The following CSMD3 variants were observed in gnomAD, a reference collection of about 807,000 sequenced individuals.
CSMD3 encodes CUB and Sushi multiple domains 3, also known as CUB and sushi domain-containing protein 3.
In CSMD3, 177 loss-of-function variants were observed where a neutral mutation model predicts 435.2. The ratio of observed to expected loss-of-function variants is 0.41; its 90% CI spans 0.36 to 0.46. CSMD3 has a LOEUF of 0.46. CSMD3 is among the 20% of genes least tolerant of loss of function. CSMD3 has a pLI of 0.34. For missense variants in CSMD3, 4,265 were observed against 4,504.6 expected, an observed-to-expected ratio of 0.95 and a Z score of 1.52; for synonymous variants, 1,656 against 1,520.5, an observed-to-expected ratio of 1.09 and a Z score of -2.07.
intron 3 of CSMD3, among the ~76,000 whole-genome samples, chr8:113,271,546 C>G (rs1269275533): frequency 6.6e-6 from 1 of 152,150 alleles, no homozygotes; most frequent in Non-Finnish European, 1.5e-5. Context: ...TGCGGGTGAA[C>G]AGAAGCCAAG....
intron 2 of CSMD3, among the ~76,000 whole-genome samples, chr8:113,295,133 T>C (rs532450034): frequency 6.6e-6 from 1 of 152,244 alleles, no homozygotes; most frequent in Admixed American, 6.5e-5. Flanking sequence ...TCATGGTAAA[T>C]GGGACATTCA....
At chr8:112,965,823 A>C (rs1048748056) in intron 7 of CSMD3, among the ~76,000 whole-genome samples, 1 of 151,938 alleles carries the variant, frequency 6.6e-6, no homozygotes, top group Non-Finnish European at 1.5e-5. Flanking sequence ...GAAATATAAA[A>C]ATGTATTTAC....
intron 35 of CSMD3, among the ~76,000 whole-genome samples, chr8:112,394,566 C>T (rs1353606604): frequency 6.6e-6 from 1 of 152,184 alleles, no homozygotes; most frequent in African/African-American, 2.4e-5. Context: ...GTTCCAGACA[C>T]TGTGGCTTGA....
At chr8:112,265,140 G>A (rs569889182) in intron 60 of CSMD3, among the ~76,000 whole-genome samples, 6 of 151,692 alleles carry the variant, frequency 4.0e-5, no homozygotes, top group African/African-American at 1.2e-4. Context: ...AAATAACAAT[G>A]GTGAATATGG....
At chr8:112,832,675 A>G (rs182680041) in intron 11 of CSMD3, among the ~76,000 whole-genome samples, 58 of 152,260 alleles carry the variant, frequency 3.8e-4, no homozygotes, top group Admixed American at 2.6e-3. Context: ...CTACAGTTTC[A>G]AATGAGATCA....
At chr8:112,899,629 ATATG>A (rs1191926695) in intron 10 of CSMD3, among the ~76,000 whole-genome samples, 293 of 85,344 alleles carry the variant, frequency 3.4e-3, no homozygotes, top group Middle Eastern at 0.03. Flanking sequence ...ATATATATAT[ATATG>A]TATATACATA....
In CSMD3 at chr8:112,621,932, A is replaced by C. The variant is rs1436561146; in HGVS notation, c.3715+14885T>G. ...GGAATATGCCTCTGTCTGGAGCCTA[A>C]CAACCATGCCATAGGAGTAGTGAGT... is the stretch of plus-strand genomic sequence containing the variant. On this transcript the variant is annotated intron_variant, in intron 22 of 70. Coordinates refer to ENST00000297405, the MANE Select transcript of CSMD3 (RefSeq NM_198123.2). Among the ~76,000 whole-genome samples the C allele has an allele frequency of 2.0e-5, 3 of 152,098 alleles. No individual in the cohort carries two copies. In the South Asian group the frequency reaches 6.2e-4, roughly 32 times the overall value.
chr8:113,403,126 G>A (rs190843683), intron 1 of CSMD3, among the ~76,000 whole-genome samples: 4 of 151,286 alleles, frequency 2.6e-5, no homozygotes, highest in Admixed American at 2.6e-4. Context: ...TAAATCCACA[G>A]CTGTGTCCGT....
At chr8:112,362,865 A>G (rs1216296223) in intron 38 of CSMD3, among the ~76,000 whole-genome samples, 1 of 151,980 alleles carries the variant, frequency 6.6e-6, no homozygotes, top group Non-Finnish European at 1.5e-5. Context: ...AACATATTAA[A>G]CGAATGGAGT....
intron 57 of CSMD3, among the ~76,000 whole-genome samples, chr8:112,288,907 T>G: frequency 6.6e-6 from 1 of 152,254 alleles, no homozygotes; most frequent in South Asian, 2.1e-4. Context: ...CATTTTGGAC[T>G]TTATTTTAAA....
chr8:112,632,780 C>G (rs552399258), intron 22 of CSMD3, among the ~76,000 whole-genome samples: 2 of 151,922 alleles, frequency 1.3e-5, no homozygotes, highest in Non-Finnish European at 2.9e-5. Context: ...TTATTTTAAT[C>G]AACTTATCAA....
At chr8:112,394,516 C>G (rs537952050) in intron 35 of CSMD3, among the ~76,000 whole-genome samples, 2 of 152,288 alleles carry the variant, frequency 1.3e-5, no homozygotes, top group South Asian at 2.1e-4. Context: ...CTCTGCCTCT[C>G]TAAACTCATC....
intron 10 of CSMD3, among the ~76,000 whole-genome samples, chr8:112,902,588 G>A (rs546287183): frequency 7.2e-4 from 109 of 151,324 alleles, no homozygotes; most frequent in Non-Finnish European, 1.4e-3. Context: ...CAAGCTCAGC[G>A]TTAGTCATGT....
intron 6 of CSMD3, among the ~76,000 whole-genome samples, chr8:113,000,248 G>T (rs927167900): frequency 6.6e-6 from 1 of 152,000 alleles, no homozygotes; most frequent in African/African-American, 2.4e-5. Context: ...CTGAGAAATT[G>T]TGACTTCCAC....
chr8:113,222,096 G>A (rs963804314), intron 3 of CSMD3, among the ~76,000 whole-genome samples: 1 of 151,214 alleles, frequency 6.6e-6, no homozygotes, highest in Admixed American at 6.6e-5. Flanking sequence ...TGTAGATGAT[G>A]ACAAAAGGAT....
intron 5 of CSMD3, among the ~76,000 whole-genome samples, chr8:113,021,170 A>C (rs1358940240): frequency 6.6e-6 from 1 of 152,088 alleles, no homozygotes; most frequent in Non-Finnish European, 1.5e-5. Flanking sequence ...GAATCTGTTT[A>C]TTTGTTGAGC....
At chr8:113,323,743 A>G (rs2093964516) in intron 1 of CSMD3, among the ~76,000 whole-genome samples, 1 of 152,234 alleles carries the variant, frequency 6.6e-6, no homozygotes, top group Non-Finnish European at 1.5e-5. Flanking sequence ...TAGCAGTAAA[A>G]GAAAAACCTA....
At chr8:112,711,089 G>C (rs1336003541) in intron 13 of CSMD3, among the ~76,000 whole-genome samples, 1 of 152,032 alleles carries the variant, frequency 6.6e-6, no homozygotes, top group Non-Finnish European at 1.5e-5. Flanking sequence ...TTATAGTAGA[G>C]TGGATATTTT....
At position 112,997,866 on chromosome 8, in the gene CSMD3, A is replaced by G. The variant is rs988889899; in HGVS notation, c.1030+21201T>C. On this transcript the variant is annotated intron_variant, in intron 6 of 70. Coordinates refer to ENST00000297405, the MANE Select transcript of CSMD3 (RefSeq NM_198123.2). Reference sequence around the variant, plus strand: ...TGTATGTACATGTATATGTGTGTATATATATATATATATACATATATATAT... The same window carrying G: ...TGTATGTACATGTATATGTGTGTATGTATATATATATATACATATATATAT... Among the ~76,000 whole-genome samples the G allele has an allele frequency of 4.7e-3, 678 of 145,530 alleles. 5 individuals are homozygous for G. Among genetic ancestry groups the G allele is most frequent in the African/African-American group, 0.016 (614 of 38,780 alleles).
Sources: gnomAD v4.1 joint callset for allele counts (sites outside exome capture counted in the v4.1 genomes callset) on GRCh38, gnomAD v4.1.1 for gene constraint, MANE v1.5 for transcripts, NCBI Gene and HGNC (gene_info 2026-07-23, HGNC 2026-07-21) for gene names.